The following CFAP47 variants were observed in gnomAD, a reference collection of about 807,000 sequenced individuals.
CFAP47 encodes cilia and flagella associated protein 47, also known as cilia- and flagella-associated protein 47.
In CFAP47, 29 loss-of-function variants were observed where a neutral mutation model predicts 148.1. The ratio of observed to expected loss-of-function variants is 0.20; its 90% CI spans 0.15 to 0.27. The LOEUF is 0.27. Among genes scored for constraint, CFAP47 ranks in the 10% least tolerant of loss-of-function variants. The pLI is 1.00. For missense variants in CFAP47, 1,872 were observed against 1,697.5 expected (o/e 1.10, Z -1.81); for synonymous variants, 664 against 577.3 (o/e 1.15, Z -2.15).
chrX:35,945,609 C>G (rs1043455250), intron 3 of CFAP47, among the ~76,000 whole-genome samples: 1 of 111,455 alleles, frequency 9.0e-6, no homozygotes. Flanking sequence ...ACTTCCTACC[C>G]CCTTAGTCAA....
intron 15 of CFAP47, among the ~76,000 whole-genome samples, chrX:35,977,054 G>T (rs1170375236): frequency 8.9e-6 from 1 of 111,751 alleles, no homozygotes; most frequent in Non-Finnish European, 1.9e-5. Flanking sequence ...CTATCATTTA[G>T]GAAATAAGAT....
At chrX:36,040,954 G>GA (rs1475557754) in intron 25 of CFAP47, among the ~76,000 whole-genome samples, 3 of 110,906 alleles carry the variant, frequency 2.7e-5, no homozygotes, top group African/African-American at 9.8e-5. Context: ...AGTGATTGAA[G>GA]AAAAAACCTT....
intron 45 of CFAP47, among the ~76,000 whole-genome samples, chrX:36,218,273 T>C (rs1196910802): frequency 1.8e-5 from 2 of 112,328 alleles, no homozygotes; most frequent in African/African-American, 6.5e-5. Flanking sequence ...AGTGAAATCT[T>C]ACATCAGTTG....
At chrX:36,248,496 TCACACACACA>T (rs60595897) in intron 48 of CFAP47, among the ~76,000 whole-genome samples, 3 of 95,454 alleles carry the variant, frequency 3.1e-5, no homozygotes, top group Admixed American at 1.2e-4. Context: ...ACATATTATA[TCACACACACA>T]CACACACACA....
chrX:36,331,744 T>G (rs72618299), intron 57 of CFAP47, among the ~76,000 whole-genome samples: 1 of 111,789 alleles, frequency 8.9e-6, no homozygotes, highest in Non-Finnish European at 1.9e-5. Context: ...TGACCACTTC[T>G]TACTACCTCC....
At chrX:36,232,449 T>A (rs782183955) in intron 46 of CFAP47, among the ~76,000 whole-genome samples, 1 of 111,621 alleles carries the variant, frequency 9.0e-6, no homozygotes, top group African/African-American at 3.3e-5. Context: ...TCTGTGGGAT[T>A]GGTGGTGATA....
chrX:36,032,007 A>T (rs1327343954), intron 23 of CFAP47, among the ~76,000 whole-genome samples: 2 of 111,408 alleles, frequency 1.8e-5, no homozygotes, highest in East Asian at 5.6e-4. Flanking sequence ...AGTGCTATAT[A>T]AAATTATAGT....
chrX:36,372,564 G>C (rs782489788), intron 62 of CFAP47, among the ~76,000 whole-genome samples: 31 of 111,287 alleles, frequency 2.8e-4, no homozygotes, highest in African/African-American at 8.2e-4. Context: ...TAGGCTGTGT[G>C]GCATTGCCTA....
At chrX:36,342,503 T>C (rs1941662271) in intron 57 of CFAP47, among the ~76,000 whole-genome samples, 1 of 111,926 alleles carries the variant, frequency 8.9e-6, no homozygotes, top group South Asian at 3.7e-4. Flanking sequence ...AAGGTAATAC[T>C]TACACATGAA....
intron 57 of CFAP47, among the ~76,000 whole-genome samples, chrX:36,325,068 A>T (rs1941507080): frequency 9.0e-6 from 1 of 111,010 alleles, no homozygotes. Flanking sequence ...CTTCCTCAAC[A>T]TTTCTGTTAG....
chrX:36,359,961 G>T (rs112817068), intron 60 of CFAP47, among the ~76,000 whole-genome samples: 5,505 of 110,517 alleles, frequency 0.05, 360 homozygotes, highest in African/African-American at 0.17. Flanking sequence ...CACTGTGTTA[G>T]CCAGGATGGT....
At chrX:36,230,883 C>T (rs1443763840) in intron 46 of CFAP47, among the ~76,000 whole-genome samples, 10 of 106,598 alleles carry the variant, frequency 9.4e-5, no homozygotes, top group African/African-American at 3.6e-4. Flanking sequence ...TTCCCCATTG[C>T]TTGTTTTTCT....
chrX:36,121,598 T>G lies in CFAP47; in HGVS notation c.5321-16360T>G, dbSNP rs544236642. ...ATTGTCTTATAACCCATTATTTAAC[T>G]TGATAACAACTTAACACTGGTTGCC... On this transcript the variant is annotated intron_variant, in intron 33 of 63. Transcript: ENST00000378653. Among the ~76,000 whole-genome samples, 7 of 111,701 alleles carry G rather than the reference T, an allele frequency of 6.3e-5. No individual in the cohort carries two copies. In the Middle Eastern group the frequency reaches 0.019, roughly 300 times the overall value.
intron 9 of CFAP47, 24 bp downstream of exon 9, chrX:35,966,778 C>T: frequency 9.9e-7 from 1 of 1,006,061 alleles, no homozygotes. Context: ...TAGTGCCCAC[C>T]TGGCTTTGTT....
chrX:36,240,476 C>T (rs191820690), intron 48 of CFAP47, among the ~76,000 whole-genome samples: 226 of 110,846 alleles, frequency 2.0e-3, no homozygotes, highest in Admixed American at 7.2e-3. Flanking sequence ...CTGGTGTTGA[C>T]GAGTACAATG....
chrX:35,924,431 GTATA>G (rs1164085460), intron 1 of CFAP47, among the ~76,000 whole-genome samples: 1 of 104,956 alleles, frequency 9.5e-6, no homozygotes, highest in Non-Finnish European at 2.0e-5. Flanking sequence ...ACACATATGT[GTATA>G]TATGTACACC....
chrX:35,924,378 T>G (rs780021490), intron 1 of CFAP47, among the ~76,000 whole-genome samples: 1 of 106,184 alleles, frequency 9.4e-6, no homozygotes, highest in Admixed American at 9.8e-5. Flanking sequence ...TGTGCATATA[T>G]GCACACATAT....
At chrX:36,055,849 A>G (rs184967456) in intron 26 of CFAP47, among the ~76,000 whole-genome samples, 36 of 111,402 alleles carry the variant, frequency 3.2e-4, no homozygotes, top group Admixed American at 2.9e-3. Flanking sequence ...AATAATCGCC[A>G]TTCTGACTGG....
intron 33 of CFAP47, among the ~76,000 whole-genome samples, chrX:36,114,303 C>A (rs1938604159): frequency 9.0e-6 from 1 of 111,471 alleles, no homozygotes. Flanking sequence ...CATACTCCTG[C>A]ATCTCCATGA....
Sources: gnomAD v4.1 joint callset for allele counts (sites outside exome capture counted in the v4.1 genomes callset) on GRCh38, gnomAD v4.1.1 for gene constraint, MANE v1.5 for transcripts, NCBI Gene and HGNC (gene_info 2026-07-23, HGNC 2026-07-21) for gene names.